PRLR: variants seen among roughly 807,000 people sequenced by gnomAD.
PRLR encodes the protein prolactin receptor, also known as hPRL receptor.
Under a neutral mutation model 40.2 loss-of-function variants are expected in PRLR, and 13 were observed. That is an observed-to-expected ratio of 0.32 (90% CI 0.21 to 0.51). The LOEUF is 0.51. Ranked by LOEUF, PRLR falls within the 20% of genes least tolerant of loss-of-function variation. The pLI is 0.97. For synonymous variants in PRLR, 269 were observed against 278.7 expected (o/e 0.97, Z 0.35); for missense variants, 656 against 747.3 (o/e 0.88, Z 1.42).
intron 1 of PRLR, among the ~76,000 whole-genome samples, chr5:35,185,060 T>C (rs958929839): frequency 6.6e-6 from 1 of 152,236 alleles, no homozygotes; most frequent in Non-Finnish European, 1.5e-5. Flanking sequence ...TTGTAGGACA[T>C]TGTGAAGCAT....
chr5:35,072,641 T>G lies in PRLR; in HGVS notation c.477A>C (p.Leu159Phe). 2 of 1,614,168 alleles carry G rather than the reference T, an allele frequency of 1.2e-6. No homozygotes were observed. Among genetic ancestry groups the G allele is most frequent in the Non-Finnish European group, 1.7e-6 (2 of 1,180,004 alleles). ...ACAGGAGCGTGAACCAACCAGTTTT[T>G]AAGTCAATCAGGGTAGGTGGAGACC... ...IKWSPPTLIDLKTGWFTLLYE... is the reference protein window; with the variant it reads ...IKWSPPTLIDFKTGWFTLLYE... Residue 159 changes from leucine (L) to phenylalanine (F), a missense_variant, in exon 6 of 10, where the codon TTA (leucine) becomes TTC (phenylalanine). Physicochemically the swap from Leu to Phe is conservative, Grantham distance 22 (BLOSUM62 0). Around this residue, in one of 3 missense-constraint regions of PRLR, gnomAD observed 180 missense variants for 236.8 expected, o/e 0.76. Coordinates refer to ENST00000618457, the MANE Select transcript of PRLR (RefSeq NM_000949.7).
chr5:35,174,834 C>T (rs182129765), intron 1 of PRLR, among the ~76,000 whole-genome samples: 2 of 152,286 alleles, frequency 1.3e-5, no homozygotes, highest in African/African-American at 4.8e-5. Flanking sequence ...AGACCCCCAC[C>T]CTGAGTACCA....
At chr5:35,185,082 C>T (rs1452385684) in intron 1 of PRLR, among the ~76,000 whole-genome samples, 2 of 152,256 alleles carry the variant, frequency 1.3e-5, no homozygotes, top group African/African-American at 2.4e-5. Context: ...CTTTAGCTTT[C>T]AGCTCTCCTT....
At chr5:35,199,157 A>G (rs537436033) in intron 1 of PRLR, among the ~76,000 whole-genome samples, 1 of 149,942 alleles carries the variant, frequency 6.7e-6, no homozygotes, top group African/African-American at 2.4e-5. Context: ...ACAGAGGCTC[A>G]TGCAGTTCCC....
chr5:35,074,521 A>G (rs1204300370), intron 5 of PRLR, among the ~76,000 whole-genome samples: 1 of 149,276 alleles, frequency 6.7e-6, no homozygotes, highest in Non-Finnish European at 1.5e-5. Context: ...ATATATATAT[A>G]TATATGAAAT....
intron 1 of PRLR, among the ~76,000 whole-genome samples, chr5:35,183,980 T>C (rs1561353180): frequency 6.6e-6 from 1 of 152,212 alleles, no homozygotes; most frequent in Non-Finnish European, 1.5e-5. Flanking sequence ...GAAGTAACTC[T>C]ACAGTCGATC....
At chr5:35,221,122 A>G (rs1776406383) in intron 1 of PRLR, among the ~76,000 whole-genome samples, 1 of 152,228 alleles carries the variant, frequency 6.6e-6, no homozygotes, top group Non-Finnish European at 1.5e-5. Flanking sequence ...TTTCTTGGCT[A>G]ATTTACCTTG....
downstream of PRLR, among the ~76,000 whole-genome samples, chr5:35,051,803 T>C (rs905073132): frequency 1.3e-5 from 2 of 152,156 alleles, no homozygotes; most frequent in Admixed American, 1.3e-4. Context: ...ATGCTGTTTT[T>C]AAAAGACACA....
At chr5:35,124,682 C>T (rs1356289954) in intron 1 of PRLR, among the ~76,000 whole-genome samples, 2 of 152,072 alleles carry the variant, frequency 1.3e-5, no homozygotes, top group Admixed American at 6.6e-5. Context: ...CTATTTTTGG[C>T]ATTTCTGACC....
At chr5:35,229,368 C>T (rs1776635251) in intron 1 of PRLR, among the ~76,000 whole-genome samples, 2 of 151,988 alleles carry the variant, frequency 1.3e-5, no homozygotes, top group Non-Finnish European at 2.9e-5. Context: ...TTTTCAAGTC[C>T]AGTCATAGAA....
intron 1 of PRLR, among the ~76,000 whole-genome samples, chr5:35,143,103 AG>A (rs1315552025): frequency 2.0e-5 from 3 of 152,206 alleles, no homozygotes; most frequent in African/African-American, 7.2e-5. Flanking sequence ...AATACAAAAA[AG>A]TTATGATTAT....
chr5:35,197,534 C>A (rs1388790688), intron 1 of PRLR, among the ~76,000 whole-genome samples: 1 of 152,204 alleles, frequency 6.6e-6, no homozygotes, highest in Non-Finnish European at 1.5e-5. Context: ...TGCACAGGTG[C>A]CAGCACTCCT....
At chr5:35,119,386 T>TCA (rs58727265) in intron 1 of PRLR, among the ~76,000 whole-genome samples, 4,872 of 145,678 alleles carry the variant, frequency 0.033, 180 homozygotes, top group African/African-American at 0.081. Flanking sequence ...TCTCTCTCTC[T>TCA]CACACACACA....
intron 1 of PRLR, among the ~76,000 whole-genome samples, chr5:35,190,335 TG>T (rs1267698283): frequency 6.6e-6 from 1 of 152,228 alleles, no homozygotes; most frequent in Non-Finnish European, 1.5e-5. Flanking sequence ...CTGGGCATGG[TG>T]GCTCACACCT....
At chr5:35,050,973 GAA>G (rs138624997), downstream of PRLR, among the ~76,000 whole-genome samples, 91 of 152,324 alleles carry the variant, frequency 6.0e-4, no homozygotes, top group African/African-American at 2.2e-3. Flanking sequence ...AGATGTGTAA[GAA>G]GAGAATAACT....
At chr5:35,176,810 G>C (rs1217563630) in intron 1 of PRLR, among the ~76,000 whole-genome samples, 1 of 152,188 alleles carries the variant, frequency 6.6e-6, no homozygotes, top group Admixed American at 6.5e-5. Flanking sequence ...CCCGTAAAGG[G>C]TCTGTGCTGA....
chr5:35,207,367 CCA>C (rs1361003867), intron 1 of PRLR, among the ~76,000 whole-genome samples: 3 of 151,174 alleles, frequency 2.0e-5, no homozygotes, highest in African/African-American at 4.9e-5. Context: ...TCCAGTAATA[CCA>C]GAGAGGAGAT....
At chr5:35,196,289 A>G (rs1255454979) in intron 1 of PRLR, among the ~76,000 whole-genome samples, 1 of 152,176 alleles carries the variant, frequency 6.6e-6, no homozygotes, top group Non-Finnish European at 1.5e-5. Flanking sequence ...GAGGTGACAA[A>G]TGTATATGGT....
At chr5:35,218,049 T>C (rs1776328085) in intron 1 of PRLR, among the ~76,000 whole-genome samples, 1 of 152,220 alleles carries the variant, frequency 6.6e-6, no homozygotes, top group African/African-American at 2.4e-5. Context: ...AATATTTAGC[T>C]TTTTGTAGGA....
Sources: allele counts gnomAD v4.1 joint callset (sites outside exome capture counted in the v4.1 genomes callset), GRCh38; gene constraint gnomAD v4.1.1; regional missense constraint gnomAD v4.1.1; transcripts MANE v1.5; gene names NCBI Gene and HGNC (gene_info 2026-07-23, HGNC 2026-07-21).